Variants in ENTR1 observed in about 807,000 individuals in gnomAD.
ENTR1 encodes the protein endosome associated trafficking regulator 1.
Under a neutral mutation model 47.9 loss-of-function variants are expected in ENTR1, and 47 were observed. That is an observed-to-expected ratio of 0.98 (90% CI 0.78 to 1.25). The LOEUF is 1.25. ENTR1 is among the 50% of genes most tolerant of loss of function. The pLI is 0.00. For missense variants in ENTR1, 668 were observed against 570.5 expected (o/e 1.17, Z -1.74); for synonymous variants, 290 against 245.8 (o/e 1.18, Z -1.68).
rs1834829802 is a variant in ENTR1 at position 136,407,474 on chromosome 9, A to G, written c.490T>C (p.Phe164Leu). ...TCACCAGCCCCTGTCGGATCCTCGA[A>G]AAATGGCTGCTGATACTCCAGGCCA... ...GYGLEYQQPF[F>L]EDPTGAGDLL... Residue 164 changes from phenylalanine to leucine, a missense_variant, in exon 5 of 10, where the codon TTC becomes CTC. Physicochemically the swap from Phe to Leu is conservative, Grantham distance 22. Transcript: ENST00000357365. The G allele has an allele frequency of 1.2e-6, 2 of 1,611,144 alleles. No homozygotes were observed. The highest frequency in any genetic ancestry group is 1.7e-6 in the Non-Finnish European group (2 of 1,179,860).
At chr9:136,404,566 T>C in intron 8 of ENTR1, 65 bp downstream of exon 8, 1 of 1,551,764 alleles carries the variant, frequency 6.4e-7, no homozygotes. Context: ...CGCCTCTTTC[T>C]TACTGAATTC....
chr9:136,403,266 AGAATTCTGGGGGGAGAAACAGAAG>A (rs1834579879), intron 9 of ENTR1, among the ~76,000 whole-genome samples: 1 of 108,478 alleles, frequency 9.2e-6, no homozygotes, highest in African/African-American at 3.6e-5. Context: ...AGAAAGGGAC[AGAATTCTGGGGGGAGAAACAGAAG>A]GGGTCCCAGG....
chr9:136,403,029 G>A, intron 9 of ENTR1, 142 bp from the exon 10 acceptor site: 1 of 461,750 alleles, frequency 2.2e-6, no homozygotes. Flanking sequence ...GTTCTGAGTG[G>A]GAGGAAGGCG....
At chr9:136,403,421 A>G (rs59593356) in intron 9 of ENTR1, among the ~76,000 whole-genome samples, 4,126 of 44,812 alleles carry the variant, frequency 0.092, 190 homozygotes, top group Middle Eastern at 0.21. Flanking sequence ...TTTGCCGGGG[A>G]AGAAAGGGAC....
rs1304706619 is a variant in ENTR1, at chr9:136,407,247, C to T, written c.717G>A (p.Val239=). 6.2e-7 allele frequency: 1 copy of T among 1,613,162 alleles called. No individual in the cohort carries two copies. Among genetic ancestry groups the T allele is most frequent in the Non-Finnish European group, 8.5e-7 (1 of 1,180,000 alleles). ...GACTCCCTGCCGGAGAGGCCGGAGA[C>T]ACGCGAGAATCAGTGTCACTCAACG... ...SWALSDTDSR[V]SPASPAGSPS... is the part of the protein sequence containing the mutation. The change falls in exon 5 of 10, where the codon GTG becomes GTA. Residue 239 remains valine, a synonymous_variant. Transcript: ENST00000357365.
intron 3 of ENTR1, 135 bp from the exon 4 acceptor site, chr9:136,408,073 A>C: frequency 6.3e-6 from 4 of 631,468 alleles, no homozygotes; most frequent in Non-Finnish European, 1.1e-5. Context: ...ACCATGACTC[A>C]GGCAGCACTA....
intron 2 of ENTR1, 63 bp downstream of exon 2, chr9:136,410,027 G>A (rs1835009755): frequency 1.3e-6 from 2 of 1,573,658 alleles, no homozygotes; most frequent in South Asian, 1.1e-5. Flanking sequence ...GTGCTGCAGC[G>A]GAGGTGCCAC....
In ENTR1 at chr9:136,410,142, C is replaced by T. The variant is rs774273042; in HGVS notation, c.168G>A (p.Pro56=). The T allele has an allele frequency of 6.2e-7, 1 of 1,612,684 alleles. No individual in the cohort carries two copies. Among genetic ancestry groups the T allele is most frequent in the Admixed American group, 1.7e-5 (1 of 59,976 alleles). The change falls in exon 2 of 10, where the codon CCG becomes CCA. Residue 56 remains proline, a synonymous_variant. Coordinates refer to ENST00000357365, the MANE Select transcript of ENTR1 (RefSeq NM_001039707.2). ...GGCTGGGCACATAGCACATAAAGGCCGGCCGAATGCCGAAGAAGGGGGAGT... is the reference window on the plus strand; with the variant it reads ...GGCTGGGCACATAGCACATAAAGGCTGGCCGAATGCCGAAGAAGGGGGAGT... The part of the protein sequence containing the change: ...DLDSPFFGIR[P]AFMCYVPSPV...
chr9:136,403,241 T>G (rs906434736), intron 9 of ENTR1, among the ~76,000 whole-genome samples: 1 of 100,352 alleles, frequency 1.0e-5, no homozygotes, highest in African/African-American at 4.0e-5. Flanking sequence ...GGGAGAAAGG[T>G]AAGGGGTTCC....
In ENTR1 at chr9:136,404,086, C is replaced by T. The variant is rs1343087923; in HGVS notation, c.1177G>A (p.Val393Met). 1 of 1,613,014 alleles carries T rather than the reference C, an allele frequency of 6.2e-7. No homozygotes were observed. The highest frequency in any genetic ancestry group is 8.5e-7 in the Non-Finnish European group (1 of 1,179,790). The change falls in exon 9 of 10, where the codon GTG (valine) becomes ATG (methionine). Residue 393 changes from valine to methionine, a missense_variant. Transcript: ENST00000357365. ...NADVALQNLRVVMNSAQASIK... is the reference protein window; with the variant it reads ...NADVALQNLRMVMNSAQASIK... ...GAAGCCTGTGCACTGTTCATGACCA[C>T]CCGGAGGTTCTGCAGGGCCACGTCG...
chr9:136,404,277 C>A (rs1225815580), intron 8 of ENTR1, 83 bp from the exon 9 acceptor site: 1 of 1,519,026 alleles, frequency 6.6e-7, no homozygotes, highest in African/African-American at 1.4e-5. Flanking sequence ...CGAGGGCTTA[C>A]CCGTGGGGGC....
At chr9:136,408,190 T>TA (rs1259064512) in intron 3 of ENTR1, among the ~76,000 whole-genome samples, 2 of 152,140 alleles carry the variant, frequency 1.3e-5, no homozygotes, top group African/African-American at 2.4e-5. Context: ...TGCTGCTCAC[T>TA]AAAGCTCCCC....
rs1834631718 is a variant in ENTR1, at chr9:136,403,935, C to T, written c.1208+120G>A. 4.1e-6 allele frequency: 5 copies of T among 1,216,702 alleles called. No individual in the cohort carries two copies. In the African/African-American group the frequency reaches 4.6e-5, roughly 11 times the overall value. 75.4% of individuals were successfully genotyped at this position (1,216,702 alleles called of 1,614,324 possible). On this transcript the variant is annotated intron_variant, in intron 9 of 9. Transcript: ENST00000357365. ...ACCACTGAGCACGCGTCCCTCCCTG[C>T]AGCTCCCTGGTCCTCCAGCCACGGT...
intron 5 of ENTR1, chr9:136,406,823 A>G (rs1485489941): frequency 2.6e-5 from 6 of 231,800 alleles, no homozygotes; most frequent in African/African-American, 1.1e-4. Flanking sequence ...TTAGGTGATT[A>G]TAATTTTTTA....
rs1428740752 is a variant in ENTR1 at position 136,410,251 on chromosome 9, G to A, written c.71-12C>T. 6.4e-7 allele frequency: 1 copy of A among 1,564,000 alleles called. No individual in the cohort carries two copies. Among genetic ancestry groups the A allele is most frequent in the South Asian group, 1.2e-5 (1 of 85,382 alleles). On this transcript the variant is annotated splice_polypyrimidine_tract_variant and intron_variant, in intron 1 of 9. Transcript: ENST00000357365. ...ATAGAACGCTGGAGCTGGAAGCAAC[G>A]ACAACAGCGACTTTACTGCGTGCCG...
Position 136,407,196 on chromosome 9 carries a change from T to C in ENTR1, c.768A>G (p.Gly256=). ...GCAGGTGCCTGTCTCCCAGAGACTCTCCATGAACCGCAAAGTCTGCGCTAG... is the reference window on the plus strand; with the variant it reads ...GCAGGTGCCTGTCTCCCAGAGACTCCCCATGAACCGCAAAGTCTGCGCTAG... ...GSPSADFAVH[G]ESLGDRHLRT... is the part of the protein sequence containing the mutation. Residue 256 remains glycine (G), a synonymous_variant, in exon 5 of 10, where the codon GGA becomes GGG. Transcript: ENST00000357365. The C allele has an allele frequency of 6.2e-7, 1 of 1,612,456 alleles. No homozygotes were observed.
rs1176283605 is a variant in ENTR1 at position 136,406,050 on chromosome 9, G to C, written c.820-72C>G. ...AAAAGGGCGTGTGCTTCTGCGGTGT[G>C]GCTCCAGAGCCTCCTGATAAGCAGA... On this transcript the variant is annotated intron_variant, in intron 5 of 9. Transcript: ENST00000357365. 1.0e-5 allele frequency: 11 copies of C among 1,088,682 alleles called. No homozygotes were observed. The East Asian group carries it at 2.8e-4, about 27-fold the overall frequency. 67.4% of individuals were successfully genotyped at this position (1,088,682 alleles called of 1,614,324 possible).
Position 136,410,093 on chromosome 9 carries a change from T to C in ENTR1, c.217A>G (p.Thr73Ala). ...GGCCGGCGCCCTCGTCTCTCACCTG[T>C]GTCTCCCACGGAAGCCAGCACCGGG... The part of the protein sequence containing the change: ...PSPVLASVGD[T>A]DFGYGKGKCS... Residue 73 changes from threonine (T) to alanine (A), a missense_variant, in exon 2 of 10, where the codon ACA becomes GCA. Coordinates refer to ENST00000357365, the MANE Select transcript of ENTR1 (RefSeq NM_001039707.2). 6.2e-7 allele frequency: 1 copy of C among 1,612,660 alleles called. No homozygotes were observed. The highest frequency in any genetic ancestry group is 1.1e-5 in the South Asian group (1 of 91,042).
chr9:136,405,235 T>C (rs1564407096), intron 6 of ENTR1, 33 bp from the exon 7 acceptor site: 1 of 1,544,630 alleles, frequency 6.5e-7, no homozygotes, highest in Non-Finnish European at 9.0e-7. Context: ...TGTTAATTTC[T>C]GTGGCTACTT....
Sources: allele counts gnomAD v4.1 joint callset (sites outside exome capture counted in the v4.1 genomes callset), GRCh38; gene constraint gnomAD v4.1.1; transcripts MANE v1.5; gene names NCBI Gene and HGNC (gene_info 2026-07-23, HGNC 2026-07-21).